Variants in PAPPA2 observed in about 807,000 individuals in gnomAD.
The protein encoded by PAPPA2 is pappalysin-2.
Under a neutral mutation model 176.4 loss-of-function variants are expected in PAPPA2, and 86 were observed. The observed-to-expected ratio is 0.49, with a 90% CI of 0.41 to 0.58. The LOEUF (loss-of-function observed/expected upper bound fraction) is 0.58. Among genes scored for constraint, PAPPA2 ranks in the 20% least tolerant of loss-of-function variants. The pLI, the probability that PAPPA2 is intolerant of heterozygous loss-of-function variation, is 0.00. For synonymous variants in PAPPA2, 809 were observed against 852.2 expected, an observed-to-expected ratio of 0.95 and a Z score of 0.88; for missense variants, 2,073 against 2,256.9, an observed-to-expected ratio of 0.92 and a Z score of 1.65.
chr1:176,511,205 T>G (rs1240541795), intron 1 of PAPPA2, among the ~76,000 whole-genome samples: 1 of 152,126 alleles, frequency 6.6e-6, no homozygotes, highest in Non-Finnish European at 1.5e-5. Flanking sequence ...ATTCAAACAC[T>G]AATCAAATGA....
At chr1:176,595,629 AG>A in intron 3 of PAPPA2, 34 bp downstream of exon 3, 1 of 1,566,130 alleles carries the variant, frequency 6.4e-7, no homozygotes, top group Non-Finnish European at 8.7e-7. Context: ...TCCTACTTGT[AG>A]GATGCATTTC....
At chr1:176,552,947 G>C (rs1320587537) in intron 1 of PAPPA2, among the ~76,000 whole-genome samples, 4 of 152,138 alleles carry the variant, frequency 2.6e-5, no homozygotes, top group African/African-American at 9.7e-5. Flanking sequence ...TAGGGGACTT[G>C]GGGTGTGGGT....
chr1:176,619,111 A>G (rs1377187670), intron 3 of PAPPA2, among the ~76,000 whole-genome samples: 1 of 152,202 alleles, frequency 6.6e-6, no homozygotes, highest in Non-Finnish European at 1.5e-5. Flanking sequence ...TCATACGGGT[A>G]TGGCTCATGG....
chr1:176,825,210 A>G (rs1666810577), intron 21 of PAPPA2, among the ~76,000 whole-genome samples: 1 of 152,104 alleles, frequency 6.6e-6, no homozygotes, highest in African/African-American at 2.4e-5. Context: ...TTACCAAATA[A>G]CTTACGTGTT....
At chr1:176,638,268 A>G (rs1022916295) in intron 3 of PAPPA2, among the ~76,000 whole-genome samples, 2 of 152,074 alleles carry the variant, frequency 1.3e-5, no homozygotes, top group African/African-American at 4.8e-5. Context: ...GATAAGTATG[A>G]ATCTGTACCC....
At chr1:176,596,559 A>G (rs1245595733) in intron 3 of PAPPA2, among the ~76,000 whole-genome samples, 1 of 152,246 alleles carries the variant, frequency 6.6e-6, no homozygotes, top group Non-Finnish European at 1.5e-5. Context: ...CAACTAATTT[A>G]AATTTCCTGT....
Position 176,771,051 on chromosome 1 carries a change from C to A in PAPPA2, c.4586C>A (p.Pro1529His), listed in dbSNP as rs749143473. 8.1e-6 allele frequency: 13 copies of A among 1,614,030 alleles called. No individual in the cohort carries two copies. The highest frequency in any genetic ancestry group is 6.7e-5 in the Admixed American group (4 of 59,992). ...VYCKLECDAP[P>H]IILNANLLLP... ...TGCAAGTTGGAGTGTGATGCTCCCCCTATTATTCTGAATGCCAACTTGCTC... is the reference window on the plus strand; with the variant it reads ...TGCAAGTTGGAGTGTGATGCTCCCCATATTATTCTGAATGCCAACTTGCTC... Residue 1529 changes from proline (P) to histidine (H), a missense_variant, in exon 17 of 23, where the codon CCT becomes CAT. Pro to His is a moderately conservative substitution (Grantham distance 77). Transcript: ENST00000367662.
chr1:176,508,838 G>T (rs1278154730), intron 1 of PAPPA2, among the ~76,000 whole-genome samples: 1 of 151,926 alleles, frequency 6.6e-6, no homozygotes, highest in Non-Finnish European at 1.5e-5. Context: ...TGGAATATGT[G>T]CCTTGCTTCC....
intron 14 of PAPPA2, among the ~76,000 whole-genome samples, chr1:176,743,646 A>G (rs1302068044): frequency 6.6e-6 from 1 of 152,234 alleles, no homozygotes; most frequent in Non-Finnish European, 1.5e-5. Context: ...CAGTGTGTCT[A>G]AAATATAACC....
chr1:176,763,076 T>G (rs982628738), intron 14 of PAPPA2, among the ~76,000 whole-genome samples: 1 of 152,188 alleles, frequency 6.6e-6, no homozygotes, highest in South Asian at 2.1e-4. Context: ...GCTTTTTAAG[T>G]CAAGTCTCAA....
chr1:176,746,239 A>G (rs988652051), intron 14 of PAPPA2, among the ~76,000 whole-genome samples: 9 of 152,236 alleles, frequency 5.9e-5, no homozygotes, highest in African/African-American at 1.9e-4. Context: ...GTCCAGCTCT[A>G]GTATCATAAA....
chr1:176,670,831 C>T (rs1573226317), intron 3 of PAPPA2, 139 bp from the exon 4 acceptor site: 6 of 977,132 alleles, frequency 6.1e-6, no homozygotes, highest in East Asian at 4.8e-5. Flanking sequence ...GTCTTCATGA[C>T]AGGCTGGTCT....
chr1:176,642,223 T>C (rs1657137858), intron 3 of PAPPA2, among the ~76,000 whole-genome samples: 1 of 151,900 alleles, frequency 6.6e-6, no homozygotes, highest in African/African-American at 2.4e-5. Context: ...TGACTTATTT[T>C]AATTTAAATA....
chr1:176,527,790 AG>A (rs1267567312), intron 1 of PAPPA2, among the ~76,000 whole-genome samples: 1 of 152,144 alleles, frequency 6.6e-6, no homozygotes, highest in Non-Finnish European at 1.5e-5. Context: ...TTTGATTTAA[AG>A]GGGCAGAACT....
intron 2 of PAPPA2, among the ~76,000 whole-genome samples, chr1:176,590,994 G>C (rs1653621101): frequency 6.6e-6 from 1 of 151,498 alleles, no homozygotes; most frequent in South Asian, 2.1e-4. Flanking sequence ...TTAAATAATA[G>C]TATACAAAAG....
intron 2 of PAPPA2, among the ~76,000 whole-genome samples, chr1:176,591,295 A>G (rs1279882893): frequency 6.6e-6 from 1 of 152,186 alleles, no homozygotes; most frequent in Non-Finnish European, 1.5e-5. Context: ...CTTCCCAGAC[A>G]GTCTGACTGG....
At chr1:176,826,814 G>A (rs1317619976) in intron 21 of PAPPA2, among the ~76,000 whole-genome samples, 1 of 152,112 alleles carries the variant, frequency 6.6e-6, no homozygotes, top group Non-Finnish European at 1.5e-5. Flanking sequence ...AATGTGCGGG[G>A]CCCCTCTAGA....
chr1:176,653,593 T>A (rs1657871344), intron 3 of PAPPA2, among the ~76,000 whole-genome samples: 1 of 151,806 alleles, frequency 6.6e-6, no homozygotes, highest in African/African-American at 2.4e-5. Context: ...ACAAATTTAG[T>A]AATGATTAAG....
chr1:176,537,486 CA>C (rs1263590108), intron 1 of PAPPA2: 1 of 152,222 alleles, frequency 6.6e-6, no homozygotes, highest in Admixed American at 6.5e-5. Context: ...CTGAAGACAA[CA>C]GATGCTCAAT....
Sources: gnomAD v4.1 joint callset for allele counts (sites outside exome capture counted in the v4.1 genomes callset) on GRCh38, gnomAD v4.1.1 for gene constraint, MANE v1.5 for transcripts, NCBI Gene and HGNC (gene_info 2026-07-23, HGNC 2026-07-21) for gene names.